The following METTL24 variants were observed in gnomAD, a reference collection of about 807,000 sequenced individuals.
The protein encoded by METTL24 is probable methyltransferase-like protein 24.
METTL24 carries 29 observed loss-of-function variants against 32.7 expected under a neutral mutation model. That is an observed-to-expected ratio of 0.89 (90% confidence interval 0.66 to 1.21). The LOEUF is 1.21. Among genes scored for constraint, METTL24 ranks in the 50% most tolerant of loss-of-function variants. METTL24 has a pLI of 0.00. For missense variants in METTL24, 439 were observed against 468.1 expected (o/e 0.94, Z 0.57); for synonymous variants, 163 against 179.5 (o/e 0.91, Z 0.73).
chr6:110,291,220 T>G (rs1193308302), intron 4 of METTL24, among the ~76,000 whole-genome samples: 1 of 152,164 alleles, frequency 6.6e-6, no homozygotes, highest in Non-Finnish European at 1.5e-5. Context: ...TTTTTAAAAT[T>G]TTTTTATGGT....
chr6:110,307,038 C>T (rs946842105), intron 3 of METTL24, among the ~76,000 whole-genome samples: 2 of 152,226 alleles, frequency 1.3e-5, no homozygotes, highest in Non-Finnish European at 2.9e-5. Flanking sequence ...GACAGACCTA[C>T]AAAATGCTGC....
At chr6:110,303,867 C>A (rs1047379665) in intron 3 of METTL24, among the ~76,000 whole-genome samples, 1 of 152,188 alleles carries the variant, frequency 6.6e-6, no homozygotes, top group Non-Finnish European at 1.5e-5. Context: ...TGCCTCCTGA[C>A]GGGGAGACAC....
At chr6:110,276,120 C>T (rs769686149) in intron 4 of METTL24, among the ~76,000 whole-genome samples, 1 of 152,134 alleles carries the variant, frequency 6.6e-6, no homozygotes, top group Admixed American at 6.6e-5. Flanking sequence ...TCATGAACAA[C>T]TATGTGAGAA....
At chr6:110,357,865 C>T (rs1271197023) in intron 1 of METTL24, 90 bp downstream of exon 1, 2 of 663,334 alleles carry the variant, frequency 3.0e-6, no homozygotes, top group Non-Finnish European at 4.0e-6. Flanking sequence ...CCCATCGAGG[C>T]GGCCTGCGGG....
chr6:110,342,164 G>C (rs1482366724), intron 1 of METTL24, among the ~76,000 whole-genome samples: 1 of 152,216 alleles, frequency 6.6e-6, no homozygotes, highest in Admixed American at 6.5e-5. Flanking sequence ...AATGCACTAG[G>C]AGGTCAGCAA....
intron 4 of METTL24, among the ~76,000 whole-genome samples, chr6:110,281,414 G>A (rs1018899757): frequency 4.9e-4 from 75 of 152,040 alleles, no homozygotes; most frequent in African/African-American, 2.7e-4. Flanking sequence ...AGGCCGAGGC[G>A]GGTGGATCAT....
intron 1 of METTL24, among the ~76,000 whole-genome samples, chr6:110,344,403 C>G (rs1429680460): frequency 6.6e-6 from 1 of 152,066 alleles, no homozygotes; most frequent in African/African-American, 2.4e-5. Context: ...ACTTCTGTAG[C>G]AGGGGTTGAC....
chr6:110,348,899 A>G (rs2114778459), intron 1 of METTL24, among the ~76,000 whole-genome samples: 1 of 152,366 alleles, frequency 6.6e-6, no homozygotes, highest in East Asian at 1.9e-4. Flanking sequence ...AACAAGAATC[A>G]TTGCATTTAA....
chr6:110,311,432 C>A (rs1771718507), intron 3 of METTL24, among the ~76,000 whole-genome samples: 1 of 148,440 alleles, frequency 6.7e-6, no homozygotes, highest in South Asian at 2.2e-4. Flanking sequence ...ATGCTCTTTA[C>A]AAAGTTGATT....
chr6:110,299,401 A>G (rs1378875776), intron 3 of METTL24, among the ~76,000 whole-genome samples: 2 of 152,216 alleles, frequency 1.3e-5, no homozygotes, highest in African/African-American at 4.8e-5. Flanking sequence ...ATGTAGGCGC[A>G]TCATCAAATT....
At chr6:110,250,593 T>C (rs1778259899) in intron 4 of METTL24, among the ~76,000 whole-genome samples, 1 of 149,200 alleles carries the variant, frequency 6.7e-6, no homozygotes, top group Admixed American at 6.6e-5. Context: ...GCTTTTGCAA[T>C]GTGTTTAGGA....
chr6:110,282,299 C>A (rs1195070005), intron 4 of METTL24, among the ~76,000 whole-genome samples: 2 of 152,134 alleles, frequency 1.3e-5, no homozygotes, highest in Non-Finnish European at 2.9e-5. Flanking sequence ...ACCAAATCAT[C>A]CATACCATGA....
chr6:110,325,143 G>A lies in METTL24; in HGVS notation c.319-2271C>T, dbSNP rs1562237941. ...TCCCAGGAGCACTCAGCTAGGCCCG[G>A]GGTTTAAAACCTCCCACTTCACTGT... On this transcript the variant is annotated intron_variant, in intron 1 of 4. Transcript: ENST00000338882. Among the ~76,000 whole-genome samples the A allele has an allele frequency of 3.3e-5, 5 of 152,114 alleles. No individual in the cohort carries two copies. The South Asian group carries it at 6.2e-4, about 19-fold the overall frequency.
chr6:110,295,495 G>A (rs1036491556), intron 4 of METTL24, among the ~76,000 whole-genome samples: 3 of 152,202 alleles, frequency 2.0e-5, no homozygotes, highest in Admixed American at 2.0e-4. Flanking sequence ...CAGGGCGTCT[G>A]ACCAGAGGGC....
In METTL24 at chr6:110,243,987, C is replaced by G. The variant is rs955067591; in HGVS notation, c.*1959G>C. Reference sequence around the variant, plus strand: ...AAATAGAATTTTAGAAAATTATGCACGTGTTTAATCCTGTAAATAGTAATG... The same window carrying G: ...AAATAGAATTTTAGAAAATTATGCAGGTGTTTAATCCTGTAAATAGTAATG... On this transcript the variant is annotated 3_prime_UTR_variant, in exon 5 of 5. Transcript: ENST00000338882. Among the ~76,000 whole-genome samples, 46 of 152,180 alleles carry G rather than the reference C, an allele frequency of 3.0e-4. 1 individual carries two copies. The highest frequency in any genetic ancestry group is 2.5e-3 in the Admixed American group (38 of 15,286).
intron 3 of METTL24, among the ~76,000 whole-genome samples, chr6:110,312,285 A>G (rs991659888): frequency 3.0e-4 from 45 of 152,222 alleles, no homozygotes; most frequent in Admixed American, 1.4e-3. Context: ...TATGGAAAAC[A>G]GTATGGAGAT....
At chr6:110,307,525 C>T (rs969375956) in intron 3 of METTL24, among the ~76,000 whole-genome samples, 8 of 152,178 alleles carry the variant, frequency 5.3e-5, no homozygotes, top group African/African-American at 1.9e-4. Context: ...CTGTCTGTAT[C>T]TTGGCCACGA....
At position 110,244,976 on chromosome 6, in the gene METTL24, A is replaced by ATCTATCTATCTC. The variant is rs2114685148; in HGVS notation, c.*969_*970insGAGATAGATAGA. On this transcript the variant is annotated 3_prime_UTR_variant, in exon 5 of 5. Coordinates refer to ENST00000338882, the MANE Select transcript of METTL24 (RefSeq NM_001123364.3). Reference sequence around the variant, plus strand: ...GCCAGTAGGAAAATCTATCTTATCTATCTATCTATCTATCTATCTATCTAT... The same window carrying ATCTATCTATCTC: ...GCCAGTAGGAAAATCTATCTTATCTATCTATCTATCTCTCTATCTATCTATCTATCTATCTAT... Among the ~76,000 whole-genome samples, 2 of 151,542 alleles carry ATCTATCTATCTC rather than the reference A, an allele frequency of 1.3e-5. No individual in the cohort carries two copies. Among genetic ancestry groups the ATCTATCTATCTC allele is most frequent in the African/African-American group, 4.9e-5 (2 of 41,130 alleles).
chr6:110,284,700 C>CA (rs777477950), intron 4 of METTL24, among the ~76,000 whole-genome samples: 4 of 151,998 alleles, frequency 2.6e-5, no homozygotes, highest in Non-Finnish European at 5.9e-5. Context: ...ACCAACACCA[C>CA]AAAAAAATTT....
Sources: allele counts gnomAD v4.1 joint callset (sites outside exome capture counted in the v4.1 genomes callset), GRCh38; gene constraint gnomAD v4.1.1; transcripts MANE v1.5; gene names NCBI Gene and HGNC (gene_info 2026-07-23, HGNC 2026-07-21).